The following LDHAL6A variants were observed in gnomAD, a reference collection of about 807,000 sequenced individuals.
LDHAL6A encodes the protein lactate dehydrogenase A like 6A.
LDHAL6A carries 19 observed loss-of-function variants against 28.2 expected under a neutral mutation model. That is an observed-to-expected ratio of 0.67 (90% confidence interval 0.47 to 0.99). The LOEUF (loss-of-function observed/expected upper bound fraction) is 0.99. Among genes scored for constraint, LDHAL6A ranks in the 50% least tolerant of loss-of-function variants. The pLI is 0.00. For missense variants in LDHAL6A, 372 were observed against 398.6 expected (o/e 0.93, Z 0.57); for synonymous variants, 144 against 134.4 (o/e 1.07, Z -0.49).
intron 1 of LDHAL6A, among the ~76,000 whole-genome samples, chr11:18,459,346 A>G (rs934210481): frequency 6.3e-5 from 9 of 141,818 alleles, no homozygotes; most frequent in African/African-American, 2.1e-4. Context: ...TCAGACTCCA[A>G]GTTCTTCAGC....
chr11:18,474,805 TG>T (rs1433012496), intron 3 of LDHAL6A, among the ~76,000 whole-genome samples: 1 of 152,198 alleles, frequency 6.6e-6, no homozygotes, highest in South Asian at 2.1e-4. Flanking sequence ...TAGATCAGCC[TG>T]GGCAGCACAG....
At chr11:18,469,190 A>G in intron 3 of LDHAL6A, 1 of 641,672 alleles carries the variant, frequency 1.6e-6, no homozygotes, top group Non-Finnish European at 2.8e-6. Context: ...TCCTTCATTA[A>G]TTTCTCTAAC....
At chr11:18,463,043 G>A (rs1486018830) in intron 1 of LDHAL6A, among the ~76,000 whole-genome samples, 2 of 151,516 alleles carry the variant, frequency 1.3e-5, no homozygotes, top group Non-Finnish European at 2.9e-5. Flanking sequence ...ATTGATTTCT[G>A]TAGGTAATAA....
intron 3 of LDHAL6A, among the ~76,000 whole-genome samples, chr11:18,471,076 TATGA>T (rs1292883068): frequency 3.3e-5 from 5 of 152,204 alleles, no homozygotes; most frequent in Admixed American, 2.6e-4. Context: ...ATTATGCTGA[TATGA>T]ATGTGAAATT....
intron 5 of LDHAL6A, 105 bp from the exon 6 acceptor site, chr11:18,477,515 A>T: frequency 1.0e-6 from 1 of 972,388 alleles, no homozygotes; most frequent in Non-Finnish European, 1.5e-6. Flanking sequence ...GAAGTTGTTG[A>T]TGGAGTCACT....
chr11:18,461,710 G>A (rs938031960), intron 1 of LDHAL6A, among the ~76,000 whole-genome samples: 1 of 151,252 alleles, frequency 6.6e-6, no homozygotes. Context: ...AAATTAGCCG[G>A]GCATGGTGGC....
chr11:18,477,146 CCT>C (rs997812133), intron 5 of LDHAL6A, among the ~76,000 whole-genome samples: 1 of 150,376 alleles, frequency 6.6e-6, no homozygotes, highest in African/African-American at 2.5e-5. Context: ...CAGCTGAGAC[CCT>C]CTCTCAAAAA....
intron 3 of LDHAL6A, among the ~76,000 whole-genome samples, chr11:18,474,019 T>C (rs1849307780): frequency 6.6e-6 from 1 of 152,236 alleles, no homozygotes; most frequent in Non-Finnish European, 1.5e-5. Context: ...GACAGATTTT[T>C]TGATATTGAA....
intron 3 of LDHAL6A, among the ~76,000 whole-genome samples, chr11:18,474,553 A>AT (rs1849326053): frequency 6.6e-6 from 1 of 151,860 alleles, no homozygotes; most frequent in East Asian, 1.9e-4. Context: ...TGCCTGGCTA[A>AT]TTTTTTTATT....
Position 18,465,618 on chromosome 11 carries a change from T to A in LDHAL6A, c.245-19T>A. 1 of 1,599,600 alleles carries A rather than the reference T, an allele frequency of 6.3e-7. No homozygotes were observed. The highest frequency in any genetic ancestry group is 8.5e-7 in the Non-Finnish European group (1 of 1,171,370). On this transcript the variant is annotated intron_variant, in intron 2 of 6. Coordinates refer to ENST00000280706, the MANE Select transcript of LDHAL6A (RefSeq NM_144972.5). ...ATGTTTTCTTTCATAATCGATTGTT[T>A]ATTCTAATCTTTCCTCAGATTACCT...
chr11:18,467,959 ATATATATACG>A lies in LDHAL6A; in HGVS notation c.418+2158_418+2167del, dbSNP rs1849137828. On this transcript the variant is annotated intron_variant, in intron 3 of 6. Transcript: ENST00000280706. ...TATACACACACATATATATATACGT[ATATATATACG>A]TATATATATACGTATATATATGCAT... 3.8e-4 allele frequency among the ~76,000 whole-genome samples: 4 copies of A among 10,588 alleles called. 1 individual carries two copies. Among genetic ancestry groups the A allele is most frequent in the Non-Finnish European group, 1.2e-3 (4 of 3,424 alleles). The allele number at this position is 10,588 out of a possible 152,430, so 6.9% of individuals were successfully genotyped here. A position where few individuals can be genotyped will look rare whatever the true frequency, so the allele number is the denominator to read the frequency against.
rs35039697 is a variant in LDHAL6A at position 18,456,406 on chromosome 11, C to CCTCT, written c.-264_-261dup. ...TTGGTGGAGCAACCCCTGTTCCTTTCCTCTCTCTCTCTCTTAATTCCTCTT... is the reference window on the plus strand; with the variant it reads ...TTGGTGGAGCAACCCCTGTTCCTTTCCTCTCTCTCTCTCTCTCTTAATTCCTCTT... On this transcript the variant is annotated 5_prime_UTR_variant, in exon 1 of 7. The change creates a premature stop within an existing upstream ORF in the 5' untranslated region. Coordinates refer to ENST00000280706, the MANE Select transcript of LDHAL6A (RefSeq NM_144972.5). 18 of 331,106 alleles carry CCTCT rather than the reference C, an allele frequency of 5.4e-5. No individual in the cohort carries two copies. The highest frequency in any genetic ancestry group is 5.3e-5 in the Admixed American group (1 of 19,034). 20.5% of individuals were successfully genotyped at this position (331,106 alleles called of 1,614,324 possible).
chr11:18,471,736 G>A (rs1849261472), intron 3 of LDHAL6A, among the ~76,000 whole-genome samples: 1 of 143,404 alleles, frequency 7.0e-6, no homozygotes, highest in Admixed American at 7.1e-5. Context: ...ACCAGCCTGG[G>A]CAAAATGGTG....
At chr11:18,467,920 C>T (rs906139050) in intron 3 of LDHAL6A, among the ~76,000 whole-genome samples, 1,593 of 41,718 alleles carry the variant, frequency 0.038, 60 homozygotes, top group South Asian at 0.057. Context: ...TATATATATA[C>T]ACACACATAT....
intron 2 of LDHAL6A, among the ~76,000 whole-genome samples, chr11:18,464,856 G>A (rs1849006735): frequency 6.6e-6 from 1 of 151,968 alleles, no homozygotes; most frequent in African/African-American, 2.4e-5. Flanking sequence ...CCAACAATTT[G>A]CTATTCAAAG....
rs1214646054 is a variant in LDHAL6A, at chr11:18,478,864, G to C, written c.993G>C (p.Lys331Asn). The C allele has an allele frequency of 6.2e-7, 1 of 1,610,332 alleles. No homozygotes were observed. Among genetic ancestry groups the C allele is most frequent in the Non-Finnish European group, 8.5e-7 (1 of 1,179,036 alleles). Residue 331 changes from lysine (K) to asparagine (N), a missense_variant, in exon 7 of 7, where the codon AAG becomes AAC. Physicochemically the swap from Lys to Asn is moderately conservative, Grantham distance 94. This residue lies in a region of LDHAL6A where 291 missense variants were observed against 302.9 expected (regional missense o/e 0.96). Coordinates refer to ENST00000280706, the MANE Select transcript of LDHAL6A (RefSeq NM_144972.5). ...ETLWEIQKEL[K>N]L ...TTTGGGAAATTCAGAAGGAGCTCAA[G>C]CTTTAAAGTTGCTTAAAGCTAATTC... is the stretch of plus-strand genomic sequence containing the variant.
chr11:18,470,486 G>C (rs910762929), intron 3 of LDHAL6A, among the ~76,000 whole-genome samples: 16 of 152,134 alleles, frequency 1.1e-4, no homozygotes, highest in African/African-American at 3.9e-4. Flanking sequence ...GGAAAAGTAA[G>C]TATCATTTAA....
At chr11:18,467,908 TATATATATATACAC>T (rs1261027953) in intron 3 of LDHAL6A, among the ~76,000 whole-genome samples, 10 of 73,706 alleles carry the variant, frequency 1.4e-4, no homozygotes, top group Non-Finnish European at 2.1e-4. Flanking sequence ...TATATATATA[TATATATATATACAC>T]ACACATATAT....
chr11:18,475,429 A>T, intron 3 of LDHAL6A, 37 bp from the exon 4 acceptor site: 2 of 1,496,522 alleles, frequency 1.3e-6, no homozygotes, highest in Non-Finnish European at 9.2e-7. Context: ...ATCCTTGTAG[A>T]TGAGGACATT....
Sources: gnomAD v4.1 joint callset for allele counts (sites outside exome capture counted in the v4.1 genomes callset) on GRCh38, gnomAD v4.1.1 for gene constraint, gnomAD v4.1.1 regional missense constraint, MANE v1.5 for transcripts, NCBI Gene and HGNC (gene_info 2026-07-23, HGNC 2026-07-21) for gene names.